Variants in XPO6 observed in about 807,000 individuals in gnomAD.
XPO6 encodes exportin-6.
In XPO6, 3 loss-of-function variants were observed where a neutral mutation model predicts 130.0. The ratio of observed to expected loss-of-function variants is 0.02; its 90% CI spans 0.01 to 0.06. The LOEUF is 0.06. Ranked by LOEUF, XPO6 falls within the 10% of genes least tolerant of loss-of-function variation. The probability of loss-of-function intolerance (pLI) is 1.00; values close to 1 mark genes in which losing one functional copy is unlikely to be tolerated. For missense variants in XPO6, 970 were observed against 1,393.0 expected, an observed-to-expected ratio of 0.70 and a Z score of 4.83; for synonymous variants, 524 against 548.9, an observed-to-expected ratio of 0.95 and a Z score of 0.63.
intron 8 of XPO6, among the ~76,000 whole-genome samples, chr16:28,148,723 A>C (rs962685042): frequency 1.8e-4 from 27 of 152,274 alleles, no homozygotes; most frequent in African/African-American, 6.3e-4. Flanking sequence ...GTAACAAGAC[A>C]ATTAAGGAAC....
intron 13 of XPO6, among the ~76,000 whole-genome samples, chr16:28,124,666 T>C (rs955208392): frequency 1.3e-5 from 2 of 152,250 alleles, no homozygotes; most frequent in Non-Finnish European, 2.9e-5. Flanking sequence ...AATGCCTGTC[T>C]CTCAAAGTAC....
chr16:28,176,027 G>A lies in XPO6; in HGVS notation c.276C>T (p.Pro92=). The A allele has an allele frequency of 6.2e-7, 1 of 1,614,184 alleles. No homozygotes were observed. Among genetic ancestry groups the A allele is most frequent in the East Asian group, 2.2e-5 (1 of 44,880 alleles). The change falls in exon 4 of 24, where the codon CCC becomes CCT. Residue 92 remains proline, a synonymous_variant. Transcript: ENST00000304658. Reference sequence around the variant, plus strand: ...TTTTATGGTGAGCCAAAAGGAGTTTGGGCAGACAGCTACGGATTTCCATCT... The same window carrying A: ...TTTTATGGTGAGCCAAAAGGAGTTTAGGCAGACAGCTACGGATTTCCATCT... ...QDKMEIRSCL[P]KLLLAHHKTL... is the part of the protein sequence containing the mutation.
chr16:28,183,193 C>T, intron 1 of XPO6: 1 of 152,106 alleles, frequency 6.6e-6, no homozygotes, highest in East Asian at 1.9e-4. Flanking sequence ...CTGATAATCT[C>T]CAAAAAGAAT....
In XPO6 at chr16:28,098,267, C is replaced by G. The variant is rs979040290; in HGVS notation, c.*271G>C. On this transcript the variant is annotated 3_prime_UTR_variant, in exon 24 of 24. Coordinates refer to ENST00000304658, the MANE Select transcript of XPO6 (RefSeq NM_015171.4). ...CGCCTGGTCTGCATGGGCCACCCCG[C>G]GGGATTTCCTGGTGCCTCCTAGTAC... The G allele has an allele frequency of 5.4e-6, 2 of 367,544 alleles. No homozygotes were observed. Among genetic ancestry groups the G allele is most frequent in the South Asian group, 4.8e-5 (1 of 20,866 alleles). The allele number at this position is 367,544 out of a possible 1,614,324, so 22.8% of individuals were successfully genotyped here. A position where few individuals can be genotyped will look rare whatever the true frequency, so the allele number is the denominator to read the frequency against.
intron 5 of XPO6, chr16:28,167,278 T>C: frequency 2.0e-6 from 2 of 985,374 alleles, no homozygotes; most frequent in Non-Finnish European, 1.2e-6. Flanking sequence ...TACGTGCATA[T>C]CCCAAACTCA....
chr16:28,142,703 C>A (rs2032911), intron 9 of XPO6, among the ~76,000 whole-genome samples: 43,609 of 151,954 alleles, frequency 0.29, 6,378 homozygotes, highest in Middle Eastern at 0.33. Context: ...CCTGAGTAGC[C>A]GGGACTACAG....
intron 14 of XPO6, among the ~76,000 whole-genome samples, chr16:28,118,372 T>C (rs756284661): frequency 6.6e-6 from 1 of 152,188 alleles, no homozygotes; most frequent in African/African-American, 2.4e-5. Context: ...TATCTGTTTG[T>C]TTACTTGAGA....
chr16:28,199,157 A>C (rs1363246500), intron 1 of XPO6, among the ~76,000 whole-genome samples: 1 of 152,222 alleles, frequency 6.6e-6, no homozygotes, highest in Admixed American at 6.5e-5. Context: ...ATGAAATTAA[A>C]TTAAATAAAC....
intron 1 of XPO6, among the ~76,000 whole-genome samples, chr16:28,184,507 G>C (rs529553505): frequency 6.6e-6 from 1 of 151,556 alleles, no homozygotes; most frequent in African/African-American, 2.4e-5. Context: ...GCACAATGGA[G>C]AGAGTGTAAA....
At chr16:28,173,278 G>A (rs573333195) in intron 4 of XPO6, among the ~76,000 whole-genome samples, 92 of 152,336 alleles carry the variant, frequency 6.0e-4, no homozygotes, top group Non-Finnish European at 1.1e-3. Context: ...TGATCATTGA[G>A]TACTGATCAT....
chr16:28,160,087 G>C (rs1034418077), intron 6 of XPO6, among the ~76,000 whole-genome samples: 3 of 150,768 alleles, frequency 2.0e-5, no homozygotes, highest in African/African-American at 7.3e-5. Context: ...CGGGAGGCTG[G>C]GGCAGGAGAA....
Position 28,132,507 on chromosome 16 carries a change from C to G in XPO6, c.1537-104G>C. The stretch of plus-strand genomic sequence containing the variant: ...TAACACGTAACTATGGTGTGAGGAA[C>G]AGGATCAAAACCTTTTCTCTGGGAA... On this transcript the variant is annotated intron_variant, in intron 11 of 23. Coordinates refer to ENST00000304658, the MANE Select transcript of XPO6 (RefSeq NM_015171.4). This position sits in a 1 kb window ranked among gnomAD's most constrained non-coding sequence, Gnocchi z 4.0. The G allele has an allele frequency of 2.6e-6, 2 of 774,920 alleles. No homozygotes were observed. Among genetic ancestry groups the G allele is most frequent in the South Asian group, 3.6e-5 (2 of 55,310 alleles). 48.0% of individuals were successfully genotyped at this position (774,920 alleles called of 1,614,324 possible).
At chr16:28,203,201 A>G (rs568506739) in intron 1 of XPO6, among the ~76,000 whole-genome samples, 1 of 151,862 alleles carries the variant, frequency 6.6e-6, no homozygotes, top group Admixed American at 6.6e-5. Flanking sequence ...CGTGAGCCCC[A>G]GGAGATAGAG....
chr16:28,171,332 A>G (rs1036261561), intron 4 of XPO6, among the ~76,000 whole-genome samples: 6 of 151,816 alleles, frequency 4.0e-5, no homozygotes, highest in Non-Finnish European at 5.9e-5. Flanking sequence ...AGGCGCCTAT[A>G]GTCCCAGCTA....
At position 28,139,727 on chromosome 16, in the gene XPO6, C is replaced by T. The variant is rs1374779323; in HGVS notation, c.1335-4403G>A. On this transcript the variant is annotated intron_variant, in intron 9 of 23. Transcript: ENST00000304658. ...AGTTAAGTATATATACTGTAATACC[C>T]AGAGCAACCACCAAAAAAACCCACA... Among the ~76,000 whole-genome samples the T allele has an allele frequency of 3.9e-5, 6 of 151,958 alleles. 1 individual carries two copies. Among genetic ancestry groups the T allele is most frequent in the African/African-American group, 1.5e-4 (6 of 41,338 alleles).
rs148068490 is a variant in XPO6, at chr16:28,160,633, T to C, written c.644-4106A>G. ...GATGTCTGGAGTGATCAAATATTAT[T>C]TGATGTTCTTTCTATGTAAGATACT... On this transcript the variant is annotated intron_variant, in intron 6 of 23. Transcript: ENST00000304658. 4.5e-3 allele frequency among the ~76,000 whole-genome samples: 689 copies of C among 152,298 alleles called. 6 individuals carry two copies. Among genetic ancestry groups the C allele is most frequent in the African/African-American group, 0.016 (669 of 41,566 alleles).
In XPO6 at chr16:28,111,960, G is replaced by A; in HGVS notation, c.2198C>T (p.Pro733Leu). The change falls in exon 17 of 24, where the codon CCG becomes CTG. Residue 733 changes from proline (P) to leucine (L), a missense_variant. By Grantham distance (98) the Pro-to-Leu change is moderately conservative (BLOSUM62 -3). Around this residue, in one of 4 missense-constraint regions of XPO6, gnomAD observed 936 missense variants for 1,306.8 expected, o/e 0.72. Coordinates refer to ENST00000304658, the MANE Select transcript of XPO6 (RefSeq NM_015171.4). ...CTCATTCTCTGGAAGGTTTGGCCAC[G>A]GAAGCAGCAAGATGTTAGAGAGGGC... is the stretch of plus-strand genomic sequence containing the variant. The part of the protein sequence containing the change: ...CRALSNILLL[P>L]WPNLPENEQQ... The A allele has an allele frequency of 1.2e-6, 2 of 1,613,976 alleles. No individual in the cohort carries two copies. Among genetic ancestry groups the A allele is most frequent in the Non-Finnish European group, 1.7e-6 (2 of 1,179,944 alleles).
At chr16:28,197,964 TAAAAAAAAA>T (rs370727941) in intron 1 of XPO6, among the ~76,000 whole-genome samples, 1 of 27,622 alleles carries the variant, frequency 3.6e-5, no homozygotes, top group African/African-American at 7.8e-5. Flanking sequence ...CTAAGTTTAT[TAAAAAAAAA>T]AAAAAAAAAA....
At chr16:28,204,420 G>A (rs2043997733) in intron 1 of XPO6, among the ~76,000 whole-genome samples, 1 of 151,956 alleles carries the variant, frequency 6.6e-6, no homozygotes, top group African/African-American at 2.4e-5. Flanking sequence ...GGGAGAGCAC[G>A]GTCCAAGCAG....
Sources: gnomAD v4.1 joint callset for allele counts (sites outside exome capture counted in the v4.1 genomes callset) on GRCh38, gnomAD v4.1.1 for gene constraint, gnomAD v4.1.1 regional missense constraint, Gnocchi (gnomAD v3.1) non-coding constraint, MANE v1.5 for transcripts, NCBI Gene and HGNC (gene_info 2026-07-23, HGNC 2026-07-21) for gene names.